Variants in SPTBN1 observed in about 807,000 individuals in gnomAD.
SPTBN1 encodes the protein spectrin beta, non-erythrocytic 1, also known as spectrin beta chain, non-erythrocytic 1.
SPTBN1 carries 32 observed loss-of-function variants against 266.4 expected under a neutral mutation model. That is an observed-to-expected ratio of 0.12 (90% confidence interval 0.09 to 0.16). The LOEUF (loss-of-function observed/expected upper bound fraction) is 0.16. Among genes scored for constraint, SPTBN1 ranks in the 10% least tolerant of loss-of-function variants. The pLI is 1.00. For missense variants in SPTBN1, 2,296 were observed against 3,067.1 expected (o/e 0.75, Z 5.94); for synonymous variants, 1,336 against 1,162.2 (o/e 1.15, Z -3.04).
At position 54,560,823 on chromosome 2, in the gene SPTBN1, A is replaced by G. The variant is rs531806958; in HGVS notation, c.148+34257A>G. Among the ~76,000 whole-genome samples the G allele has an allele frequency of 5.3e-5, 8 of 152,308 alleles. No homozygotes were observed. In the South Asian group the frequency reaches 1.7e-3, roughly 32 times the overall value. ...AGAAAGGGTGAATTAACTTTCAAGTATGGTGGACCTCAGGAGAATTACACA... is the reference window on the plus strand; with the variant it reads ...AGAAAGGGTGAATTAACTTTCAAGTGTGGTGGACCTCAGGAGAATTACACA... On this transcript the variant is annotated intron_variant, in intron 2 of 35. Coordinates refer to ENST00000356805, the MANE Select transcript of SPTBN1 (RefSeq NM_003128.3).
chr2:54,626,278 A>G lies in SPTBN1; in HGVS notation c.1644+44A>G. On this transcript the variant is annotated intron_variant, in intron 12 of 35. Coordinates refer to ENST00000356805, the MANE Select transcript of SPTBN1 (RefSeq NM_003128.3). The surrounding 1 kb of genome is among the most constrained non-coding windows in gnomAD (Gnocchi z 4.7). ...GAAGGACGACAGAGCTGATCCAACC[A>G]GGGCTCTCTTTTCTGTGACTCATTC... is the stretch of plus-strand genomic sequence containing the variant. The G allele has an allele frequency of 6.4e-7, 1 of 1,572,848 alleles. No individual in the cohort carries two copies. The highest frequency in any genetic ancestry group is 8.6e-7 in the Non-Finnish European group (1 of 1,157,356).
At chr2:54,601,198 T>A (rs77370217) in intron 3 of SPTBN1, among the ~76,000 whole-genome samples, 3,412 of 152,296 alleles carry the variant, frequency 0.022, 145 homozygotes, top group African/African-American at 0.078. Flanking sequence ...TACAGAACTT[T>A]GTAAAGCCCC....
At chr2:54,579,727 A>T (rs1674748497) in intron 2 of SPTBN1, among the ~76,000 whole-genome samples, 1 of 152,210 alleles carries the variant, frequency 6.6e-6, no homozygotes, top group South Asian at 2.1e-4. Flanking sequence ...AAGTCTTAGG[A>T]GAATTGATGA....
intron 2 of SPTBN1, among the ~76,000 whole-genome samples, chr2:54,534,639 C>T (rs1163553580): frequency 2.0e-5 from 3 of 152,174 alleles, no homozygotes; most frequent in African/African-American, 7.2e-5. Context: ...TTCCTTCTCC[C>T]TCCTCTGTCT....
chr2:54,496,268 T>C (rs1047683294), intron 1 of SPTBN1, among the ~76,000 whole-genome samples: 4 of 151,876 alleles, frequency 2.6e-5, no homozygotes, highest in Admixed American at 1.3e-4. Context: ...TGAAACCCCG[T>C]CTCTACTAAA....
intron 2 of SPTBN1, among the ~76,000 whole-genome samples, chr2:54,590,869 G>A (rs1459835201): frequency 1.3e-5 from 2 of 152,146 alleles, no homozygotes; most frequent in East Asian, 1.9e-4. Flanking sequence ...GCTGGGGTCC[G>A]TTGAAGGTTT....
Position 54,667,613 on chromosome 2 carries a change from T to C in SPTBN1, c.6843T>C (p.Asp2281=). 6.2e-7 allele frequency: 1 copy of C among 1,614,012 alleles called. No individual in the cohort carries two copies. Among genetic ancestry groups the C allele is most frequent in the Non-Finnish European group, 8.5e-7 (1 of 1,179,872 alleles). Residue 2281 remains aspartate (D), a synonymous_variant, in exon 35 of 36, where the codon GAT becomes GAC. Transcript: ENST00000356805. ...TTCCTTGAAATTACAGACTAAATGA[T>C]GGCAATGAGTACCTCTTCCAAGCCA... ...KKHVFKLRLN[D]GNEYLFQAKD... is the part of the protein sequence containing the mutation.
Position 54,668,679 on chromosome 2 carries a change from G to A in SPTBN1, c.*110G>A. The A allele has an allele frequency of 2.0e-6, 1 of 507,110 alleles. No individual in the cohort carries two copies. Among genetic ancestry groups the A allele is most frequent in the Non-Finnish European group, 3.0e-6 (1 of 336,358 alleles). 31.4% of individuals were successfully genotyped at this position (507,110 alleles called of 1,614,324 possible). On this transcript the variant is annotated 3_prime_UTR_variant, in exon 36 of 36. Coordinates refer to ENST00000356805, the MANE Select transcript of SPTBN1 (RefSeq NM_003128.3). ...GTGCCTAATGTTCCTCAATGTGGTT[G>A]ATTTTTTTTTTTTTTTAATTTATAG...
intron 1 of SPTBN1, among the ~76,000 whole-genome samples, chr2:54,465,337 G>C (rs1036525581): frequency 3.3e-5 from 5 of 152,114 alleles, no homozygotes; most frequent in Non-Finnish European, 5.9e-5. Flanking sequence ...TGACGTGCAT[G>C]TTCTCACTCG....
intron 1 of SPTBN1, among the ~76,000 whole-genome samples, chr2:54,468,242 G>T (rs1693736534): frequency 2.0e-5 from 3 of 152,066 alleles, no homozygotes; most frequent in African/African-American, 7.2e-5. Context: ...AGGAGGTGGA[G>T]GTTGCAGTGA....
At chr2:54,506,960 A>G (rs189387072) in intron 1 of SPTBN1, among the ~76,000 whole-genome samples, 2 of 148,232 alleles carry the variant, frequency 1.3e-5, no homozygotes, top group East Asian at 3.9e-4. Flanking sequence ...GAGTCCAAAA[A>G]AGGAGTCAGC....
intron 6 of SPTBN1, 141 bp from the exon 7 acceptor site, chr2:54,617,937 G>C: frequency 1.4e-6 from 1 of 711,492 alleles, no homozygotes; most frequent in East Asian, 2.7e-5. Flanking sequence ...TTCATTGTTT[G>C]ATGATTCCAT....
chr2:54,653,868 C>G lies in SPTBN1; in HGVS notation c.5822+15C>G, dbSNP rs199967265. ...GAGAAGCCAAGGTAACGCTTTCAGC[C>G]CAAAGGAAATTGGACTTATTGGCGC... On this transcript the variant is annotated intron_variant, in intron 27 of 35. Transcript: ENST00000356805. The surrounding 1 kb of genome is among the most constrained non-coding windows in gnomAD (Gnocchi z 5.1). 2,977 of 1,601,262 alleles carry G rather than the reference C, an allele frequency of 1.9e-3. 40 individuals are homozygous for G. The highest frequency in any genetic ancestry group is 0.016 in the South Asian group (1,467 of 89,032).
chr2:54,666,860 T>A (rs56222220), intron 34 of SPTBN1, among the ~76,000 whole-genome samples: 1,550 of 152,262 alleles, frequency 0.01, 34 homozygotes, highest in African/African-American at 0.035. Flanking sequence ...ATGGTTTGAT[T>A]TATTAAGCTC....
At chr2:54,458,375 A>G (rs1693182280) in intron 1 of SPTBN1, among the ~76,000 whole-genome samples, 2 of 152,182 alleles carry the variant, frequency 1.3e-5, no homozygotes, top group African/African-American at 2.4e-5. Flanking sequence ...TAAGTCAAGT[A>G]CAGTTGCATT....
rs1385971751 is a variant in SPTBN1 at position 54,594,929 on chromosome 2, GGTTCAA to G, written c.149-4160_149-4155del. ...GGCTCACTGCAACCTTTTTCTCCTGGGTTCAAGTGATTCTCCTGCCTCAGCCTCACA... is the reference window on the plus strand; with the variant it reads ...GGCTCACTGCAACCTTTTTCTCCTGGGTGATTCTCCTGCCTCAGCCTCACA... On this transcript the variant is annotated intron_variant, in intron 2 of 35. Coordinates refer to ENST00000356805, the MANE Select transcript of SPTBN1 (RefSeq NM_003128.3). Among the ~76,000 whole-genome samples the G allele has an allele frequency of 2.1e-5, 3 of 141,554 alleles. No individual in the cohort carries two copies. In the East Asian group the frequency reaches 6.1e-4, roughly 29 times the overall value. 92.9% of individuals were successfully genotyped at this position (141,554 alleles called of 152,430 possible).
At chr2:54,476,944 A>G (rs929044135) in intron 1 of SPTBN1, among the ~76,000 whole-genome samples, 11 of 152,178 alleles carry the variant, frequency 7.2e-5, no homozygotes, top group African/African-American at 2.7e-4. Flanking sequence ...AAAGGTAAAT[A>G]AACTTTGACC....
chr2:54,625,006 C>A (rs1179203858), intron 11 of SPTBN1, 44 bp downstream of exon 11: 4 of 1,529,010 alleles, frequency 2.6e-6, no homozygotes. Context: ...CTAGGGTAAT[C>A]TAGAAACACA....
At chr2:54,661,264 T>A (rs1396074920) in intron 32 of SPTBN1, 21 of 985,794 alleles carry the variant, frequency 2.1e-5, no homozygotes, top group Non-Finnish European at 2.5e-5. Flanking sequence ...GTGACAGAGA[T>A]GGTTTCCTTG....
Sources: gnomAD v4.1 joint callset for allele counts (sites outside exome capture counted in the v4.1 genomes callset) on GRCh38, gnomAD v4.1.1 for gene constraint, Gnocchi (gnomAD v3.1) non-coding constraint, MANE v1.5 for transcripts, NCBI Gene and HGNC (gene_info 2026-07-23, HGNC 2026-07-21) for gene names.